RTN4R: variants seen among roughly 807,000 people sequenced by gnomAD.
RTN4R encodes the protein reticulon-4 receptor.
Under a neutral mutation model 27.7 loss-of-function variants are expected in RTN4R, and 4 were observed. That is an observed-to-expected ratio of 0.14 (90% CI 0.07 to 0.33). The LOEUF (loss-of-function observed/expected upper bound fraction) is 0.33, where lower values mean the gene tolerates loss of function less well. Ranked by LOEUF, RTN4R falls within the 10% of genes least tolerant of loss-of-function variation. The probability of loss-of-function intolerance (pLI) is 1.00; values close to 1 mark genes in which losing one functional copy is unlikely to be tolerated. For synonymous variants in RTN4R, 290 were observed against 305.6 expected, an observed-to-expected ratio of 0.95 and a Z score of 0.53; for missense variants, 554 against 671.5, an observed-to-expected ratio of 0.83 and a Z score of 1.93.
intron 1 of RTN4R, among the ~76,000 whole-genome samples, chr22:20,264,578 A>C (rs1201887388): frequency 1.3e-5 from 2 of 152,216 alleles, no homozygotes; most frequent in Non-Finnish European, 2.9e-5. Flanking sequence ...GAGTGAATGA[A>C]TGAACAAATG....
chr22:20,248,003 A>G (rs2051151928), intron 1 of RTN4R, among the ~76,000 whole-genome samples: 1 of 152,214 alleles, frequency 6.6e-6, no homozygotes, highest in African/African-American at 2.4e-5. Context: ...CACCAGAGAC[A>G]ACGAGATGTA....
chr22:20,243,570 A>C, intron 1 of RTN4R: 1 of 438,520 alleles, frequency 2.3e-6, no homozygotes, highest in South Asian at 1.7e-5. Flanking sequence ...GGGCACGTCT[A>C]TCTCAAAAAC....
At chr22:20,260,204 A>G (rs1483403962) in intron 1 of RTN4R, among the ~76,000 whole-genome samples, 1 of 152,084 alleles carries the variant, frequency 6.6e-6, no homozygotes, top group Non-Finnish European at 1.5e-5. Context: ...GCTCATCTGT[A>G]GCCCCCACGG....
chr22:20,251,744 C>T (rs199541871), intron 1 of RTN4R, among the ~76,000 whole-genome samples: 1 of 86,180 alleles, frequency 1.2e-5, no homozygotes, highest in Non-Finnish European at 2.5e-5. Flanking sequence ...ATCACCATCA[C>T]TATCACCACC....
Position 20,268,084 on chromosome 22 carries a change from C to A in RTN4R, c.9G>T (p.Arg3Ser). 1 of 1,202,406 alleles carries A rather than the reference C, an allele frequency of 8.3e-7. No homozygotes were observed. The highest frequency in any genetic ancestry group is 3.0e-5 in the South Asian group (1 of 32,932). 74.5% of individuals were successfully genotyped at this position (1,202,406 alleles called of 1,614,324 possible). The stretch of plus-strand genomic sequence containing the variant: ...GCGGACACTCACCTCCAGCGGACGC[C>A]CTCTTCATCGTAGGGGTTGGGCGGG... MKRASAGGSRLLA... is the reference protein window; with the variant it reads MKSASAGGSRLLA... Residue 3 changes from arginine (R) to serine (S), a missense_variant, in exon 1 of 2, where the codon AGG becomes AGT. Physicochemically the swap from Arg to Ser is moderately radical, Grantham distance 110. Transcript: ENST00000043402.
Position 20,268,152 on chromosome 22 carries a change from T to G in RTN4R, c.-60A>C. 1.8e-4 allele frequency: 161 copies of G among 877,096 alleles called. No homozygotes were observed. The highest frequency in any genetic ancestry group is 1.0e-3 in the Middle Eastern group (2 of 1,954). 54.3% of individuals were successfully genotyped at this position (877,096 alleles called of 1,614,324 possible). A position where few individuals can be genotyped will look rare whatever the true frequency, so the allele number is the denominator to read the frequency against. On this transcript the variant is annotated 5_prime_UTR_variant, in exon 1 of 2. Transcript: ENST00000043402. The stretch of plus-strand genomic sequence containing the variant: ...AGTCGTTTCGGGGCGGGCGCCCGTC[T>G]CCCCGCGGCCGGGTCCGCATCCAGG...
Position 20,261,294 on chromosome 22 carries a change from C to T in RTN4R, c.22+6777G>A, listed in dbSNP as rs1569041930. On this transcript the variant is annotated intron_variant, in intron 1 of 1. Coordinates refer to ENST00000043402, the MANE Select transcript of RTN4R (RefSeq NM_023004.6). ...CCAGGAGGTGAGGGACCTGCCACCC[C>T]TTCCCACAAGGCCCTAAGGCCCCAA... 2.0e-5 allele frequency among the ~76,000 whole-genome samples: 3 copies of T among 152,330 alleles called. No individual in the cohort carries two copies. The South Asian group carries it at 6.2e-4, about 32-fold the overall frequency.
intron 1 of RTN4R, among the ~76,000 whole-genome samples, chr22:20,250,968 G>A (rs2145977269): frequency 6.6e-6 from 1 of 152,328 alleles, no homozygotes; most frequent in Admixed American, 6.5e-5. Context: ...GGACTTGGGT[G>A]GCACTTCAGA....
chr22:20,260,635 C>G (rs8140277), intron 1 of RTN4R, among the ~76,000 whole-genome samples: 2 of 152,286 alleles, frequency 1.3e-5, no homozygotes, highest in South Asian at 4.1e-4. Context: ...GGGCCACGCC[C>G]GGGGGCAGGT....
At chr22:20,254,170 G>A (rs747206473) in intron 1 of RTN4R, among the ~76,000 whole-genome samples, 19 of 151,986 alleles carry the variant, frequency 1.3e-4, no homozygotes, top group Non-Finnish European at 2.5e-4. Context: ...AGTGCACGCC[G>A]GTAATCCCAG....
chr22:20,249,457 C>A (rs2051162346), intron 1 of RTN4R, among the ~76,000 whole-genome samples: 1 of 152,238 alleles, frequency 6.6e-6, no homozygotes, highest in Non-Finnish European at 1.5e-5. Context: ...AGGCTGACCA[C>A]TGCCTGTGAG....
rs1166159896 is a variant in RTN4R at position 20,242,601 on chromosome 22, C to T, written c.532G>A (p.Gly178Ser). ...ALPDDTFRDLGNLTHLFLHGN... is the reference protein window; with the variant it reads ...ALPDDTFRDLSNLTHLFLHGN... ...TGCAGGAAGAGGTGTGTGAGGTTGC[C>T]CAGGTCGCGGAAGGTGTCATCAGGC... Residue 178 changes from glycine (G) to serine (S), a missense_variant, in exon 2 of 2, where the codon GGC becomes AGC. Gly to Ser is a moderately conservative substitution (Grantham distance 56). This residue lies in a region of RTN4R where 413 missense variants were observed against 542.3 expected (regional missense o/e 0.76). Transcript: ENST00000043402. The T allele has an allele frequency of 6.2e-7, 1 of 1,612,800 alleles. No individual in the cohort carries two copies. Among genetic ancestry groups the T allele is most frequent in the Non-Finnish European group, 8.5e-7 (1 of 1,179,894 alleles).
intron 1 of RTN4R, chr22:20,267,529 TGGAGGCAGCGCTG>T (rs1214493875): frequency 6.7e-6 from 3 of 448,654 alleles, no homozygotes; most frequent in Non-Finnish European, 1.4e-5. Context: ...CCGCCCGCCC[TGGAGGCAGCGCTG>T]GGACAACCCT....
chr22:20,262,004 G>A (rs554130259), intron 1 of RTN4R, among the ~76,000 whole-genome samples: 7 of 152,382 alleles, frequency 4.6e-5, no homozygotes, highest in East Asian at 1.9e-4. Flanking sequence ...CTTGAATCCC[G>A]GGGTGGGGAA....
At chr22:20,266,419 G>A (rs964002777) in intron 1 of RTN4R, among the ~76,000 whole-genome samples, 1 of 152,250 alleles carries the variant, frequency 6.6e-6, no homozygotes, top group African/African-American at 2.4e-5. Flanking sequence ...ACCGGAGGTA[G>A]GGGAGCCCAC....
intron 1 of RTN4R, among the ~76,000 whole-genome samples, chr22:20,257,479 C>T (rs2051218477): frequency 6.6e-6 from 1 of 152,164 alleles, no homozygotes. Context: ...CTCCACCCTT[C>T]CATCCCCTAC....
At chr22:20,256,193 G>A (rs960797981) in intron 1 of RTN4R, among the ~76,000 whole-genome samples, 11 of 152,172 alleles carry the variant, frequency 7.2e-5, no homozygotes, top group South Asian at 2.1e-4. Flanking sequence ...GGGGCAGTCC[G>A]GCCTTATTTC....
At chr22:20,249,309 C>A in intron 1 of RTN4R, 1 of 477,258 alleles carries the variant, frequency 2.1e-6, no homozygotes, top group South Asian at 1.5e-5. Context: ...GCCTCCCATG[C>A]CCATCTGCCT....
intron 1 of RTN4R, among the ~76,000 whole-genome samples, chr22:20,244,255 C>T (rs1374101428): frequency 3.3e-5 from 5 of 152,214 alleles, no homozygotes; most frequent in Middle Eastern, 3.2e-3. Flanking sequence ...GGGTTGGAGC[C>T]GGGCAGGAGG....
Sources: allele counts gnomAD v4.1 joint callset (sites outside exome capture counted in the v4.1 genomes callset), GRCh38; gene constraint gnomAD v4.1.1; regional missense constraint gnomAD v4.1.1; transcripts MANE v1.5; gene names NCBI Gene and HGNC (gene_info 2026-07-23, HGNC 2026-07-21).